Variants in WWOX observed in about 807,000 individuals in gnomAD.
WWOX encodes the protein WW domain-containing oxidoreductase.
Under a neutral mutation model 46.2 loss-of-function variants are expected in WWOX, and 69 were observed. The observed-to-expected ratio is 1.49, with a 90% CI of 1.23 to 1.82. WWOX has a LOEUF of 1.82. WWOX is among the 40% of genes most tolerant of loss of function. The pLI is 0.00. For synonymous variants in WWOX, 359 were observed against 202.6 expected, an observed-to-expected ratio of 1.77 and a Z score of -6.56; for missense variants, 919 against 542.6, an observed-to-expected ratio of 1.69 and a Z score of -6.89.
intron 4 of WWOX, among the ~76,000 whole-genome samples, chr16:78,118,129 C>G (rs1218305405): frequency 6.6e-6 from 1 of 151,572 alleles, no homozygotes; most frequent in East Asian, 1.9e-4. Context: ...AGGGGACATC[C>G]CTCCCTTGAT....
intron 5 of WWOX, among the ~76,000 whole-genome samples, chr16:78,235,380 G>A (rs913000159): frequency 6.6e-5 from 10 of 152,070 alleles, no homozygotes; most frequent in African/African-American, 2.2e-4. Flanking sequence ...CGGCTCATCT[G>A]ACCCCTGGTG....
chr16:78,495,172 T>C (rs2084885095), intron 8 of WWOX, among the ~76,000 whole-genome samples: 1 of 90,160 alleles, frequency 1.1e-5, no homozygotes, highest in Non-Finnish European at 2.5e-5. Flanking sequence ...GATAGACTCT[T>C]GCCTGTCGCC....
intron 5 of WWOX, among the ~76,000 whole-genome samples, chr16:78,364,311 C>G (rs1013487104): frequency 2.6e-5 from 4 of 152,270 alleles, no homozygotes; most frequent in Middle Eastern, 3.4e-3. Context: ...TGGATATTGT[C>G]TATCAATTGG....
At chr16:79,031,128 A>G (rs181330662) in intron 8 of WWOX, among the ~76,000 whole-genome samples, 196 of 151,576 alleles carry the variant, frequency 1.3e-3, no homozygotes, top group African/African-American at 4.5e-3. Flanking sequence ...GAAACTATAT[A>G]AACACTAGGG....
chr16:79,201,507 C>A (rs149368638), intron 8 of WWOX, among the ~76,000 whole-genome samples: 2 of 152,220 alleles, frequency 1.3e-5, no homozygotes, highest in East Asian at 3.9e-4. Context: ...GTCCCTTGTG[C>A]CATCAAATTA....
chr16:78,676,309 A>G (rs769798852), intron 8 of WWOX, among the ~76,000 whole-genome samples: 2 of 152,060 alleles, frequency 1.3e-5, no homozygotes, highest in African/African-American at 2.4e-5. Context: ...AGGGTCTCAG[A>G]CTTTGTCCCC....
chr16:78,364,523 T>G (rs1458109853), intron 5 of WWOX, among the ~76,000 whole-genome samples: 1 of 151,280 alleles, frequency 6.6e-6, no homozygotes, highest in Non-Finnish European at 1.5e-5. Flanking sequence ...GTTTTCTCCC[T>G]GCAACAAATA....
At chr16:78,173,697 G>A (rs2151745599) in intron 5 of WWOX, among the ~76,000 whole-genome samples, 1 of 152,276 alleles carries the variant, frequency 6.6e-6, no homozygotes, top group Admixed American at 6.5e-5. Context: ...TCGTTGCAGG[G>A]AAAGCTAACT....
intron 8 of WWOX, among the ~76,000 whole-genome samples, chr16:78,775,620 G>T (rs1198386553): frequency 1.3e-5 from 2 of 152,158 alleles, no homozygotes; most frequent in Admixed American, 6.5e-5. Flanking sequence ...ACTTCACCCT[G>T]CTCCAATGAG....
chr16:78,197,910 C>T (rs2036106205), intron 5 of WWOX, among the ~76,000 whole-genome samples: 1 of 152,184 alleles, frequency 6.6e-6, no homozygotes, highest in East Asian at 1.9e-4. Context: ...AGGTCACATA[C>T]TCCTCCTCCT....
In WWOX at chr16:78,099,656, A is replaced by T. The variant is rs979915442; in HGVS notation, c.-123A>T. 12 of 1,253,536 alleles carry T rather than the reference A, an allele frequency of 9.6e-6. No individual in the cohort carries two copies. The highest frequency in any genetic ancestry group is 1.2e-5 in the Non-Finnish European group (11 of 949,780). 77.7% of individuals were successfully genotyped at this position (1,253,536 alleles called of 1,614,324 possible). The stretch of plus-strand genomic sequence containing the variant: ...CGGCGGAGCGGCCCCTGGAGGGCGC[A>T]GTGCGCAGGCGTGAGCGGTCGGGCC... On this transcript the variant is annotated 5_prime_UTR_variant, in exon 1 of 9. Coordinates refer to ENST00000566780, the MANE Select transcript of WWOX (RefSeq NM_016373.4).
chr16:78,399,506 C>G (rs1050085233), intron 6 of WWOX, among the ~76,000 whole-genome samples: 17 of 152,250 alleles, frequency 1.1e-4, no homozygotes, highest in African/African-American at 3.9e-4. Context: ...GCCAGCTTGG[C>G]ATTGTTGGGT....
intron 8 of WWOX, among the ~76,000 whole-genome samples, chr16:79,159,452 G>A (rs189171420): frequency 1.3e-5 from 2 of 152,176 alleles, no homozygotes; most frequent in Non-Finnish European, 2.9e-5. Flanking sequence ...CTGGCATCTC[G>A]AATGAGCTCT....
chr16:78,603,400 A>G (rs1480778739), intron 8 of WWOX, among the ~76,000 whole-genome samples: 1 of 152,136 alleles, frequency 6.6e-6, no homozygotes, highest in East Asian at 1.9e-4. Context: ...ATGCATTTTA[A>G]AAAACTATAT....
At chr16:79,026,102 C>A (rs2047635558) in intron 8 of WWOX, among the ~76,000 whole-genome samples, 1 of 151,550 alleles carries the variant, frequency 6.6e-6, no homozygotes, top group Non-Finnish European at 1.5e-5. Context: ...TGCCCAGCCC[C>A]TGTTGCCCTT....
At chr16:78,634,008 C>A (rs994067178) in intron 8 of WWOX, among the ~76,000 whole-genome samples, 1 of 151,786 alleles carries the variant, frequency 6.6e-6, no homozygotes, top group Admixed American at 6.6e-5. Context: ...AAAGAGGCAA[C>A]CCTCGAGCCA....
At chr16:79,197,280 C>G (rs181447903) in intron 8 of WWOX, among the ~76,000 whole-genome samples, 2 of 152,278 alleles carry the variant, frequency 1.3e-5, no homozygotes, top group Admixed American at 6.5e-5. Context: ...TGATCTTCCT[C>G]AAAAATTCTT....
chr16:78,852,946 G>A (rs1477656932), intron 8 of WWOX, among the ~76,000 whole-genome samples: 3 of 152,140 alleles, frequency 2.0e-5, no homozygotes, highest in Non-Finnish European at 4.4e-5. Context: ...ATGACATACT[G>A]GAGATCAGTC....
At chr16:79,002,074 C>A (rs1160403974) in intron 8 of WWOX, among the ~76,000 whole-genome samples, 1 of 152,046 alleles carries the variant, frequency 6.6e-6, no homozygotes, top group African/African-American at 2.4e-5. Context: ...TAATAATAAT[C>A]TGGGGATGAA....
Sources: gnomAD v4.1 joint callset for allele counts (sites outside exome capture counted in the v4.1 genomes callset) on GRCh38, gnomAD v4.1.1 for gene constraint, MANE v1.5 for transcripts, NCBI Gene and HGNC (gene_info 2026-07-23, HGNC 2026-07-21) for gene names.